Variants in LOXL4 observed in about 807,000 individuals in gnomAD.
LOXL4 encodes the protein lysyl oxidase homolog 4.
A neutral mutation model predicts 89.1 loss-of-function variants in LOXL4; 72 were observed. The ratio of observed to expected loss-of-function variants is 0.81; its 90% CI spans 0.67 to 0.98. The LOEUF (loss-of-function observed/expected upper bound fraction) is 0.98. LOXL4 is among the 50% of genes least tolerant of loss of function. The pLI, the probability that LOXL4 is intolerant of heterozygous loss-of-function variation, is 0.00. For missense variants in LOXL4, 984 were observed against 1,017.5 expected, an observed-to-expected ratio of 0.97 and a Z score of 0.45; for synonymous variants, 355 against 392.1, an observed-to-expected ratio of 0.91 and a Z score of 1.12.
intron 8 of LOXL4, among the ~76,000 whole-genome samples, chr10:98,257,441 G>A (rs1027546111): frequency 1.3e-5 from 2 of 152,178 alleles, no homozygotes; most frequent in Admixed American, 6.5e-5. Context: ...GGGTATGGGA[G>A]AGCACATCCA....
At chr10:98,256,679 T>C (rs1858375409) in intron 9 of LOXL4, 101 bp downstream of exon 9, 2 of 1,389,294 alleles carry the variant, frequency 1.4e-6, no homozygotes, top group Non-Finnish European at 1.0e-6. Context: ...CAGTAATGAA[T>C]TGCCAAATGG....
Position 98,257,630 on chromosome 10 carries a change from A to G in LOXL4, c.1260+20T>C. 6.2e-7 allele frequency: 1 copy of G among 1,609,318 alleles called. No individual in the cohort carries two copies. The highest frequency in any genetic ancestry group is 1.1e-5 in the South Asian group (1 of 90,248). On this transcript the variant is annotated intron_variant, in intron 8 of 14. Transcript: ENST00000260702. ...GTTTCCCGGCCCCCAGCCTGAGGCCATGCTCAGACCCAAACTCACCTGATT... is the reference window on the plus strand; with the variant it reads ...GTTTCCCGGCCCCCAGCCTGAGGCCGTGCTCAGACCCAAACTCACCTGATT...
rs1370016619 is a variant in LOXL4, at chr10:98,256,842, G to A, written c.1366C>T (p.Leu456Phe). The change falls in exon 9 of 15, where the codon CTC (leucine) becomes TTC (phenylalanine). Residue 456 changes from leucine to phenylalanine, a missense_variant. By Grantham distance (22) the Leu-to-Phe change is conservative (BLOSUM62 0). Coordinates refer to ENST00000260702, the MANE Select transcript of LOXL4 (RefSeq NM_032211.7). Reference protein sequence around the residue: ...WGSVCSENWGLTEAMVACRQL... With the variant: ...WGSVCSENWGFTEAMVACRQL... ...CGGCAGGCCACCATGGCTTCGGTGA[G>A]CCCCCAGTTTTCACTGCACACGCTC... 2 of 1,614,044 alleles carry A rather than the reference G, an allele frequency of 1.2e-6. No individual in the cohort carries two copies. The highest frequency in any genetic ancestry group is 1.7e-6 in the Non-Finnish European group (2 of 1,180,038).
chr10:98,256,794 T>G lies in LOXL4; in HGVS notation c.1414A>C (p.Ile472Leu), dbSNP rs770248595. 18 of 1,614,012 alleles carry G rather than the reference T, an allele frequency of 1.1e-5. No individual in the cohort carries two copies. The highest frequency in any genetic ancestry group is 1.3e-5 in the Non-Finnish European group (15 of 1,180,048). The change falls in exon 9 of 15, where the codon ATC becomes CTC. Residue 472 changes from isoleucine to leucine, a missense_variant. Ile to Leu is a conservative substitution (Grantham distance 5, BLOSUM62 2). Coordinates refer to ENST00000260702, the MANE Select transcript of LOXL4 (RefSeq NM_032211.7). ...ACRQLGLGFA[I>L]HAYKETWFWS... is the part of the protein sequence containing the mutation. ...GAGGGACCTACCTTGTAGGCATGGA[T>G]GGCAAAACCCAGGCCGAGCTGTCGG... is the stretch of plus-strand genomic sequence containing the variant.
At position 98,262,886 on chromosome 10, in the gene LOXL4, C is replaced by T. The variant is rs768713124; in HGVS notation, c.134G>A (p.Arg45His). Residue 45 changes from arginine (R) to histidine (H), a missense_variant, in exon 2 of 15, where the codon CGC (arginine) becomes CAC (histidine). Arg to His is a conservative substitution (Grantham distance 29, BLOSUM62 0). Transcript: ENST00000260702. ...CTGGCCCTGGTGCAGCACCTCCAGG[C>T]GGCCCTCCTCTGGCTTGCTCTCTGG... The part of the protein sequence containing the change: ...VGPESKPEEG[R>H]LEVLHQGQWG... 6.7e-5 allele frequency: 108 copies of T among 1,613,664 alleles called. No homozygotes were observed. Among genetic ancestry groups the T allele is most frequent in the Middle Eastern group, 3.3e-4 (2 of 6,042 alleles).
At position 98,255,692 on chromosome 10, in the gene LOXL4, C is replaced by G; in HGVS notation, c.1476G>C (p.Met492Ile). 1 of 1,613,524 alleles carries G rather than the reference C, an allele frequency of 6.2e-7. No individual in the cohort carries two copies. The highest frequency in any genetic ancestry group is 8.5e-7 in the Non-Finnish European group (1 of 1,179,458). Residue 492 changes from methionine (M) to isoleucine (I), a missense_variant, in exon 10 of 15, where the codon ATG becomes ATC. Physicochemically the swap from Met to Ile is conservative, Grantham distance 10. Transcript: ENST00000260702. The part of the protein sequence containing the change: ...SGTPRAQEVV[M>I]SGVRCSGTEL... ...CTGTGCCTGAGCAGCGCACCCCACT[C>G]ATCACCACCTCCTGGGCCCTTGGCG... is the stretch of plus-strand genomic sequence containing the variant.
intron 1 of LOXL4, among the ~76,000 whole-genome samples, chr10:98,267,701 G>A (rs1414653223): frequency 6.6e-6 from 1 of 152,022 alleles, no homozygotes; most frequent in East Asian, 1.9e-4. Flanking sequence ...GTCACACGCC[G>A]ACCCCCCAAC....
At chr10:98,262,264 G>A in intron 2 of LOXL4, 51 bp from the exon 3 acceptor site, 3 of 1,593,452 alleles carry the variant, frequency 1.9e-6, no homozygotes, top group Non-Finnish European at 2.6e-6. Flanking sequence ...CAGGTCACAG[G>A]CTCTGCCTCC....
At position 98,259,042 on chromosome 10, in the gene LOXL4, C is replaced by T. The variant is rs1858463141; in HGVS notation, c.888G>A (p.Lys296=). ...CVAGPHFRPP[K]TKPQRKGSWA... is the part of the protein sequence containing the mutation. ...AGGACCCTTTGCGTTGTGGCTTTGT[C>T]TTCGGTGGGCGGAAGTGAGGCCCTG... Residue 296 remains lysine (K), a synonymous_variant, in exon 6 of 15, where the codon AAG becomes AAA. Coordinates refer to ENST00000260702, the MANE Select transcript of LOXL4 (RefSeq NM_032211.7). 6.4e-7 allele frequency: 1 copy of T among 1,559,998 alleles called. No homozygotes were observed. The highest frequency in any genetic ancestry group is 8.7e-7 in the Non-Finnish European group (1 of 1,151,246).
chr10:98,267,066 A>T (rs1409922273), intron 1 of LOXL4, among the ~76,000 whole-genome samples: 1 of 152,142 alleles, frequency 6.6e-6, no homozygotes, highest in Non-Finnish European at 1.5e-5. Flanking sequence ...TATACATTTT[A>T]AAATACGGAT....
chr10:98,257,704 A>T lies in LOXL4; in HGVS notation c.1206T>A (p.His402Gln). 1 of 1,612,518 alleles carries T rather than the reference A, an allele frequency of 6.2e-7. No individual in the cohort carries two copies. Among genetic ancestry groups the T allele is most frequent in the Non-Finnish European group, 8.5e-7 (1 of 1,178,630 alleles). Reference protein sequence around the residue: ...ALEGSQNGCQHENDAAVRCNV... With the variant: ...ALEGSQNGCQQENDAAVRCNV... ...TGCACCTGACAGCAGCATCATTCTCATGTTGGCAACCATTCTGGGACCCTT... is the reference window on the plus strand; with the variant it reads ...TGCACCTGACAGCAGCATCATTCTCTTGTTGGCAACCATTCTGGGACCCTT... The change falls in exon 8 of 15, where the codon CAT becomes CAA. Residue 402 changes from histidine (H) to glutamine (Q), a missense_variant. Coordinates refer to ENST00000260702, the MANE Select transcript of LOXL4 (RefSeq NM_032211.7).
chr10:98,258,939 AC>A (rs896840308), intron 6 of LOXL4, 69 bp downstream of exon 6: 14 of 1,305,256 alleles, frequency 1.1e-5, no homozygotes, highest in African/African-American at 3.0e-5. Context: ...ACCTCCCCGC[AC>A]CCCCCACCAG....
Position 98,256,982 on chromosome 10 carries a change from G to T in LOXL4, c.1261-35C>A, listed in dbSNP as rs188771368. Reference sequence around the variant, plus strand: ...CGAGGGGTGTGTGAGGAGTGGGGTAGCCTTGCAGGGAAGAGCTCAGGGCTG... The same window carrying T: ...CGAGGGGTGTGTGAGGAGTGGGGTATCCTTGCAGGGAAGAGCTCAGGGCTG... On this transcript the variant is annotated intron_variant, in intron 8 of 14. Coordinates refer to ENST00000260702, the MANE Select transcript of LOXL4 (RefSeq NM_032211.7). The T allele has an allele frequency of 2.4e-4, 377 of 1,603,440 alleles. 2 individuals carry two copies. The African/African-American group carries it at 4.3e-3, about 18-fold the overall frequency.
chr10:98,262,011 C>T (rs370366014), intron 3 of LOXL4, 24 bp downstream of exon 3: 1 of 1,589,494 alleles, frequency 6.3e-7, no homozygotes, highest in Non-Finnish European at 8.6e-7. Context: ...TTGGCTCAGA[C>T]CAGAGCCTGA....
intron 3 of LOXL4, among the ~76,000 whole-genome samples, 161 bp from the exon 4 acceptor site, chr10:98,261,288 G>T (rs1858533848): frequency 6.6e-6 from 1 of 152,196 alleles, no homozygotes; most frequent in Admixed American, 6.5e-5. Flanking sequence ...CAGAGAAGGG[G>T]AGGCATTATC....
Position 98,265,397 on chromosome 10 carries a change from A to G in LOXL4, c.-32-2346T>C, listed in dbSNP as rs1858658198. ...TATTATTATTATTATTATTATTATT[A>G]TTATTATTATTATTATTATTTTTGA... On this transcript the variant is annotated intron_variant, in intron 1 of 14. Coordinates refer to ENST00000260702, the MANE Select transcript of LOXL4 (RefSeq NM_032211.7). Among the ~76,000 whole-genome samples the G allele has an allele frequency of 2.9e-5, 2 of 68,954 alleles. 1 individual carries two copies. The highest frequency in any genetic ancestry group is 2.4e-4 in the Admixed American group (2 of 8,410). The allele number at this position is 68,954 out of a possible 152,430, so 45.2% of individuals were successfully genotyped here.
At chr10:98,260,406 T>A (rs1858502751) in intron 4 of LOXL4, among the ~76,000 whole-genome samples, 1 of 151,138 alleles carries the variant, frequency 6.6e-6, no homozygotes, top group South Asian at 2.1e-4. Context: ...ACTGCAAGTA[T>A]CTGCAGGAAA....
At chr10:98,258,922 G>T in intron 6 of LOXL4, 87 bp downstream of exon 6, 2 of 1,045,300 alleles carry the variant, frequency 1.9e-6, no homozygotes, top group Non-Finnish European at 2.8e-6. Flanking sequence ...TCTCCTGCGT[G>T]TCCTGGACCT....
In LOXL4 at chr10:98,262,965, G is replaced by A; in HGVS notation, c.55C>T (p.Pro19Ser). The A allele has an allele frequency of 6.2e-7, 1 of 1,613,754 alleles. No homozygotes were observed. Among genetic ancestry groups the A allele is most frequent in the Non-Finnish European group, 8.5e-7 (1 of 1,180,016 alleles). ...AGTGACTGTGGCCTGCTGGGAGGGG[G>A]CTGGCCTAGCAGCAGCAGGAACAGA... ...LFLFLLLLGQ[P>S]PPSRPQSLGT... The change falls in exon 2 of 15, where the codon CCC becomes TCC. Residue 19 changes from proline (P) to serine (S), a missense_variant. Transcript: ENST00000260702.
Sources: allele counts gnomAD v4.1 joint callset (sites outside exome capture counted in the v4.1 genomes callset), GRCh38; gene constraint gnomAD v4.1.1; transcripts MANE v1.5; gene names NCBI Gene and HGNC (gene_info 2026-07-23, HGNC 2026-07-21).